The following ZBTB41 variants were observed in gnomAD, a reference collection of about 807,000 sequenced individuals.
ZBTB41 encodes zinc finger and BTB domain-containing protein 41.
ZBTB41 carries 42 observed loss-of-function variants against 87.6 expected under a neutral mutation model. The observed-to-expected ratio is 0.48, with a 90% CI of 0.37 to 0.62. ZBTB41 has a LOEUF of 0.62. Among genes scored for constraint, ZBTB41 ranks in the 20% least tolerant of loss-of-function variants. ZBTB41 has a pLI of 0.00. For missense variants in ZBTB41, 799 were observed against 1,078.9 expected (o/e 0.74, Z 3.63); for synonymous variants, 364 against 364.0 (o/e 1.00, Z 0.00).
Position 197,178,413 on chromosome 1 carries a change from T to C in ZBTB41, c.1772+4A>G. On this transcript the variant is annotated splice_donor_region_variant and intron_variant, in intron 7 of 10. Transcript: ENST00000367405. ...TAATAAAGGGAAAAAATGGTTTTAC[T>C]TACCTATACGAACTTCCATGACGAA... 6.3e-7 allele frequency: 1 copy of C among 1,594,372 alleles called. No individual in the cohort carries two copies. Among genetic ancestry groups the C allele is most frequent in the Non-Finnish European group, 8.5e-7 (1 of 1,170,154 alleles).
chr1:197,167,459 C>T (rs1024221666), intron 10 of ZBTB41, among the ~76,000 whole-genome samples: 3 of 152,016 alleles, frequency 2.0e-5, no homozygotes, highest in East Asian at 1.9e-4. Context: ...CTTCCCAAAG[C>T]GCTGGGATTA....
chr1:197,188,161 G>A, intron 5 of ZBTB41, 131 bp downstream of exon 5: 2 of 950,588 alleles, frequency 2.1e-6, no homozygotes, highest in Non-Finnish European at 1.6e-6. Flanking sequence ...TCTCAATTTT[G>A]CTGTGAACCT....
chr1:197,162,409 A>G (rs1317249755), intron 10 of ZBTB41, among the ~76,000 whole-genome samples: 1 of 152,180 alleles, frequency 6.6e-6, no homozygotes, highest in Non-Finnish European at 1.5e-5. Context: ...CTTTAATGAC[A>G]GAAAGGAGCA....
Position 197,199,756 on chromosome 1 carries a change from CAT to C in ZBTB41, c.716_717del (p.His239ArgfsTer23). 6.2e-7 allele frequency: 1 copy of C among 1,613,176 alleles called. No individual in the cohort carries two copies. The highest frequency in any genetic ancestry group is 8.5e-7 in the Non-Finnish European group (1 of 1,179,792). The part of the protein sequence containing the change: ...THRSLLLGKK[H>X]GLKMLERSFS... The stretch of plus-strand genomic sequence containing the variant: ...AAACTTCTCTCCAGCATTTTTAACC[CAT>C]GTTTTTTCCCTAATAAAAGGGACCT... On this transcript the variant is annotated frameshift_variant, in exon 2 of 11. Coordinates refer to ENST00000367405, the MANE Select transcript of ZBTB41 (RefSeq NM_194314.3). LOFTEE classifies it high-confidence loss of function.
intron 6 of ZBTB41, among the ~76,000 whole-genome samples, chr1:197,179,751 A>G (rs1167435846): frequency 6.6e-6 from 1 of 152,112 alleles, no homozygotes; most frequent in Non-Finnish European, 1.5e-5. Flanking sequence ...TAACCAAAAA[A>G]AAGTTTAAAA....
At chr1:197,163,963 A>G (rs746570215) in intron 10 of ZBTB41, among the ~76,000 whole-genome samples, 1 of 152,100 alleles carries the variant, frequency 6.6e-6, no homozygotes, top group Non-Finnish European at 1.5e-5. Flanking sequence ...AGAACTTTTC[A>G]TGTATAAGGA....
In ZBTB41 at chr1:197,159,681, G is replaced by A; in HGVS notation, c.2408C>T (p.Ser803Phe). 6.2e-7 allele frequency: 1 copy of A among 1,613,974 alleles called. No homozygotes were observed. ...AGTTACTGGAACACATACTTCAGCAGATACATTCTGTAACATCGTCTTGGC... is the reference window on the plus strand; with the variant it reads ...AGTTACTGGAACACATACTTCAGCAAATACATTCTGTAACATCGTCTTGGC... ...SEAKTMLQNVSAEVCVPVTLV... is the reference protein window; with the variant it reads ...SEAKTMLQNVFAEVCVPVTLV... Residue 803 changes from serine to phenylalanine, a missense_variant, in exon 11 of 11, where the codon TCT becomes TTT. Ser to Phe is a radical substitution (Grantham distance 155). This residue lies in a region of ZBTB41 where 171 missense variants were observed against 191.9 expected (regional missense o/e 0.89). Coordinates refer to ENST00000367405, the MANE Select transcript of ZBTB41 (RefSeq NM_194314.3).
chr1:197,176,481 C>A, intron 8 of ZBTB41, 83 bp downstream of exon 8: 2 of 949,628 alleles, frequency 2.1e-6, no homozygotes, highest in Admixed American at 4.8e-5. Flanking sequence ...AAACTTATAG[C>A]CAACATAAAC....
At chr1:197,184,682 A>G (rs1392926334) in intron 5 of ZBTB41, among the ~76,000 whole-genome samples, 1 of 152,184 alleles carries the variant, frequency 6.6e-6, no homozygotes, top group East Asian at 1.9e-4. Context: ...CTGTGTCCAA[A>G]AAGCCTCTGC....
At chr1:197,183,613 T>C (rs184324432) in intron 5 of ZBTB41, among the ~76,000 whole-genome samples, 19 of 152,352 alleles carry the variant, frequency 1.2e-4, no homozygotes, top group Middle Eastern at 3.4e-3. Flanking sequence ...TTAGATTACC[T>C]ATTGCGCCGT....
chr1:197,160,106 T>C, intron 10 of ZBTB41, 92 bp from the exon 11 acceptor site: 2 of 917,936 alleles, frequency 2.2e-6, no homozygotes, highest in Non-Finnish European at 3.3e-6. Context: ...ATGTGAATAC[T>C]TGCCAGAACT....
chr1:197,200,949 G>A (rs1372033270), intron 1 of ZBTB41, among the ~76,000 whole-genome samples: 1 of 152,126 alleles, frequency 6.6e-6, no homozygotes, highest in Non-Finnish European at 1.5e-5. Flanking sequence ...AGGCCGTGGC[G>A]GCCGCGAGAT....
chr1:197,186,489 TGAAAA>T (rs961457193), intron 5 of ZBTB41, among the ~76,000 whole-genome samples: 1 of 152,064 alleles, frequency 6.6e-6, no homozygotes, highest in Non-Finnish European at 1.5e-5. Context: ...AGGAAATACT[TGAAAA>T]GAAATATCTG....
At chr1:197,197,939 C>T (rs1299743361) in intron 2 of ZBTB41, among the ~76,000 whole-genome samples, 1 of 152,160 alleles carries the variant, frequency 6.6e-6, no homozygotes, top group Non-Finnish European at 1.5e-5. Flanking sequence ...TTTGTGAACT[C>T]ATCCCTATTC....
chr1:197,193,088 A>G (rs1049937137), intron 2 of ZBTB41, among the ~76,000 whole-genome samples: 2 of 152,232 alleles, frequency 1.3e-5, no homozygotes, highest in Non-Finnish European at 2.9e-5. Context: ...TGATATGCAT[A>G]TAGTCAGAAA....
intron 2 of ZBTB41, 64 bp downstream of exon 2, chr1:197,199,290 T>G: frequency 7.1e-7 from 1 of 1,402,502 alleles, no homozygotes; most frequent in Non-Finnish European, 9.3e-7. Flanking sequence ...TTTTTATTTA[T>G]CACCTTTAAA....
At chr1:197,176,696 C>A in intron 7 of ZBTB41, 26 bp from the exon 8 acceptor site, 2 of 1,497,862 alleles carry the variant, frequency 1.3e-6, no homozygotes, top group South Asian at 1.1e-5. Flanking sequence ...AATTGAACAC[C>A]ATTAAAACTG....
At chr1:197,166,218 A>C (rs1056463395) in intron 10 of ZBTB41, among the ~76,000 whole-genome samples, 2 of 152,202 alleles carry the variant, frequency 1.3e-5, no homozygotes, top group African/African-American at 4.8e-5. Flanking sequence ...AATACAAGCA[A>C]AATGGGAGAA....
intron 4 of ZBTB41, among the ~76,000 whole-genome samples, chr1:197,190,075 T>C (rs896658539): frequency 6.6e-6 from 1 of 152,154 alleles, no homozygotes; most frequent in Non-Finnish European, 1.5e-5. Flanking sequence ...TGTGCCACCA[T>C]GCCCAGCTAA....
Sources: gnomAD v4.1 joint callset for allele counts (sites outside exome capture counted in the v4.1 genomes callset) on GRCh38, gnomAD v4.1.1 for gene constraint, gnomAD v4.1.1 regional missense constraint, MANE v1.5 for transcripts, NCBI Gene and HGNC (gene_info 2026-07-23, HGNC 2026-07-21) for gene names.